The following LINGO2 variants were observed in gnomAD, a reference collection of about 807,000 sequenced individuals.
The protein encoded by LINGO2 is leucine-rich repeat and immunoglobulin-like domain-containing nogo receptor-interacting protein 2.
Under a neutral mutation model 30.6 loss-of-function variants are expected in LINGO2, and 14 were observed. The ratio of observed to expected loss-of-function variants is 0.46; its 90% CI spans 0.30 to 0.72. LINGO2 has a LOEUF of 0.72. LINGO2 is among the 30% of genes least tolerant of loss of function. LINGO2 has a pLI of 0.07. For missense variants in LINGO2, 729 were observed against 751.7 expected (o/e 0.97, Z 0.35); for synonymous variants, 317 against 288.5 (o/e 1.10, Z -1.00).
chr9:28,716,352 C>A, the LINGO2 span, among the ~76,000 whole-genome samples: 3 of 151,694 alleles, frequency 2.0e-5, no homozygotes, highest in East Asian at 3.9e-4. Flanking sequence ...GAAAGAATGG[C>A]ATTAAGGAAA....
chr9:29,129,135 G>T, the LINGO2 span, among the ~76,000 whole-genome samples: 1 of 152,098 alleles, frequency 6.6e-6, no homozygotes, highest in African/African-American at 2.4e-5. Context: ...TTTGACAAAT[G>T]AGACTAATTT....
the LINGO2 span, among the ~76,000 whole-genome samples, chr9:28,718,542 A>C: frequency 6.6e-6 from 1 of 151,968 alleles, no homozygotes; most frequent in African/African-American, 2.4e-5. Flanking sequence ...CCTTCATCAC[A>C]ACATAGCTTT....
At chr9:28,231,935 C>T (rs2133938578) in intron 4 of LINGO2, among the ~76,000 whole-genome samples, 1 of 152,114 alleles carries the variant, frequency 6.6e-6, no homozygotes, top group Middle Eastern at 3.4e-3. Flanking sequence ...ATACTTGTTT[C>T]TTTAATATTT....
At chr9:28,479,173 A>G (rs1001998453) in intron 1 of LINGO2, among the ~76,000 whole-genome samples, 4 of 152,026 alleles carry the variant, frequency 2.6e-5, no homozygotes, top group South Asian at 2.1e-4. Flanking sequence ...AACTATTAAT[A>G]CATAGAGACA....
intron 4 of LINGO2, among the ~76,000 whole-genome samples, chr9:28,165,216 A>G (rs1022249037): frequency 6.6e-6 from 1 of 152,254 alleles, no homozygotes; most frequent in Non-Finnish European, 1.5e-5. Context: ...TCCTTTAAAG[A>G]ACATTGTTTT....
chr9:28,488,821 G>A (rs1468900825), intron 1 of LINGO2, among the ~76,000 whole-genome samples: 1 of 151,932 alleles, frequency 6.6e-6, no homozygotes, highest in Non-Finnish European at 1.5e-5. Context: ...ACAGTTCAAA[G>A]TTAAATTGTA....
intron 2 of LINGO2, among the ~76,000 whole-genome samples, chr9:28,389,557 G>C (rs1195411201): frequency 2.6e-5 from 4 of 152,096 alleles, no homozygotes; most frequent in African/African-American, 9.7e-5. Context: ...AAGATCTCTA[G>C]ACGTCAGCAT....
At chr9:28,568,083 A>G (rs949878592) in intron 1 of LINGO2, among the ~76,000 whole-genome samples, 3 of 152,130 alleles carry the variant, frequency 2.0e-5, no homozygotes, top group Non-Finnish European at 4.4e-5. Flanking sequence ...TGGCAGAATA[A>G]GAGTTTTCTA....
At chr9:28,807,274 C>CG in the LINGO2 span, among the ~76,000 whole-genome samples, 11 of 152,062 alleles carry the variant, frequency 7.2e-5, no homozygotes, top group Non-Finnish European at 1.6e-4. Context: ...CTGCCAGCCT[C>CG]GGCCTCCCAA....
At chr9:28,622,571 C>T (rs1185678063) in intron 1 of LINGO2, among the ~76,000 whole-genome samples, 1 of 151,898 alleles carries the variant, frequency 6.6e-6, no homozygotes, top group Admixed American at 6.6e-5. Flanking sequence ...TGCATATGTA[C>T]CACATTTTCT....
chr9:28,418,164 G>T (rs962217191), intron 2 of LINGO2, among the ~76,000 whole-genome samples: 8 of 151,780 alleles, frequency 5.3e-5, no homozygotes, highest in African/African-American at 1.9e-4. Context: ...CATATGATTA[G>T]TGTTCTTGTT....
At chr9:28,354,707 C>T (rs1820094352) in intron 3 of LINGO2, among the ~76,000 whole-genome samples, 4 of 152,184 alleles carry the variant, frequency 2.6e-5, no homozygotes, top group Admixed American at 2.6e-4. Flanking sequence ...AAACAAGTTA[C>T]ACATTTTAAA....
At chr9:28,911,812 T>C in the LINGO2 span, among the ~76,000 whole-genome samples, 1 of 152,054 alleles carries the variant, frequency 6.6e-6, no homozygotes, top group African/African-American at 2.4e-5. Context: ...AGATGTACGT[T>C]CTCTCCATCT....
intron 4 of LINGO2, among the ~76,000 whole-genome samples, chr9:28,106,655 C>G (rs1826603071): frequency 6.6e-6 from 1 of 152,128 alleles, no homozygotes; most frequent in Non-Finnish European, 1.5e-5. Context: ...CATCCCACCA[C>G]CCACCATTTT....
chr9:28,375,062 C>T (rs1053519429), intron 2 of LINGO2, among the ~76,000 whole-genome samples: 1 of 149,736 alleles, frequency 6.7e-6, no homozygotes, highest in Admixed American at 6.7e-5. Flanking sequence ...CAAGAAATTC[C>T]AACCCCTTAT....
chr9:28,509,197 G>A (rs1277895807), intron 1 of LINGO2, among the ~76,000 whole-genome samples: 1 of 152,100 alleles, frequency 6.6e-6, no homozygotes, highest in African/African-American at 2.4e-5. Flanking sequence ...AATTTACAAA[G>A]CAATTCTAAA....
At chr9:28,261,978 ACT>A (rs1822579231) in intron 4 of LINGO2, among the ~76,000 whole-genome samples, 1 of 151,866 alleles carries the variant, frequency 6.6e-6, no homozygotes, top group Admixed American at 6.6e-5. Context: ...AAATATGAAC[ACT>A]CTCAGATTTT....
chr9:28,295,712 C>T (rs992415551), intron 3 of LINGO2, among the ~76,000 whole-genome samples: 2 of 152,106 alleles, frequency 1.3e-5, no homozygotes, highest in African/African-American at 4.8e-5. Context: ...TATTCTTCTA[C>T]TTTACCCATA....
chr9:28,105,333 C>G (rs932602476), intron 4 of LINGO2, among the ~76,000 whole-genome samples: 1 of 152,070 alleles, frequency 6.6e-6, no homozygotes, highest in African/African-American at 2.4e-5. Context: ...TTTCTGGTGT[C>G]CTGTTTGTGC....
Sources: allele counts gnomAD v4.1 joint callset (sites outside exome capture counted in the v4.1 genomes callset), GRCh38; gene constraint gnomAD v4.1.1; transcripts MANE v1.5; gene names NCBI Gene and HGNC (gene_info 2026-07-23, HGNC 2026-07-21).